CCSER1: variants seen among roughly 807,000 people sequenced by gnomAD.
The protein encoded by CCSER1 is serine-rich coiled-coil domain-containing protein 1.
Under a neutral mutation model 82.0 loss-of-function variants are expected in CCSER1, and 41 were observed. The ratio of observed to expected loss-of-function variants is 0.50; its 90% CI spans 0.39 to 0.65. The LOEUF is 0.65. Ranked by LOEUF, CCSER1 falls within the 30% of genes least tolerant of loss-of-function variation. The pLI is 0.00. For missense variants in CCSER1, 1,119 were observed against 1,064.2 expected (o/e 1.05, Z -0.72); for synonymous variants, 414 against 383.9 (o/e 1.08, Z -0.92).
intron 5 of CCSER1, among the ~76,000 whole-genome samples, chr4:90,493,310 G>A (rs1768385922): frequency 6.6e-6 from 1 of 152,120 alleles, no homozygotes; most frequent in Admixed American, 6.6e-5. Flanking sequence ...AAAGTGATGG[G>A]GAGAATGGAA....
intron 9 of CCSER1, among the ~76,000 whole-genome samples, chr4:91,028,363 T>G (rs1740677289): frequency 6.6e-6 from 1 of 151,990 alleles, no homozygotes; most frequent in Non-Finnish European, 1.5e-5. Flanking sequence ...TCAAATCATA[T>G]GTTCATGTGT....
At chr4:91,162,058 T>C (rs1036432981) in intron 10 of CCSER1, among the ~76,000 whole-genome samples, 1 of 152,198 alleles carries the variant, frequency 6.6e-6, no homozygotes, top group Admixed American at 6.5e-5. Context: ...CAGTATGTTA[T>C]TGGCTGTGGG....
intron 8 of CCSER1, among the ~76,000 whole-genome samples, chr4:90,851,560 G>T (rs57906524): frequency 0.28 from 41,139 of 149,134 alleles, 5,968 homozygotes; most frequent in Middle Eastern, 0.32. Context: ...CATTTTATTG[G>T]CTACTTATAG....
intron 10 of CCSER1, among the ~76,000 whole-genome samples, chr4:91,192,436 G>A (rs1211207243): frequency 1.3e-5 from 2 of 152,082 alleles, no homozygotes; most frequent in Non-Finnish European, 2.9e-5. Flanking sequence ...ATGTACCCTT[G>A]AGACTTAGTA....
chr4:91,404,464 T>C (rs756870757), intron 10 of CCSER1, among the ~76,000 whole-genome samples: 29 of 152,192 alleles, frequency 1.9e-4, no homozygotes, highest in Non-Finnish European at 3.1e-4. Flanking sequence ...CTCTTGCTTC[T>C]CTAGTTCTTT....
At chr4:91,505,505 T>C (rs1323321569) in intron 10 of CCSER1, among the ~76,000 whole-genome samples, 3 of 152,218 alleles carry the variant, frequency 2.0e-5, no homozygotes, top group African/African-American at 7.2e-5. Flanking sequence ...TTCTAGTTCT[T>C]TGAGGAATTA....
At chr4:91,224,919 G>C (rs913892793) in intron 10 of CCSER1, among the ~76,000 whole-genome samples, 4 of 151,274 alleles carry the variant, frequency 2.6e-5, no homozygotes, top group Admixed American at 6.6e-5. Flanking sequence ...TGTGTATTAG[G>C]TAAATGTTAG....
intron 6 of CCSER1, among the ~76,000 whole-genome samples, chr4:90,721,585 A>T (rs541753113): frequency 3.4e-4 from 52 of 151,964 alleles, no homozygotes; most frequent in Middle Eastern, 6.9e-3. Context: ...TTAGCTTTTA[A>T]AAACATCAAA....
intron 9 of CCSER1, among the ~76,000 whole-genome samples, chr4:91,067,569 T>C (rs1408560798): frequency 6.6e-6 from 1 of 152,042 alleles, no homozygotes; most frequent in East Asian, 1.9e-4. Context: ...GGTCTCAAAC[T>C]CCTGGGCTCA....
Position 90,312,924 on chromosome 4 carries a change from C to T in CCSER1, c.1386C>T (p.Ser462=), listed in dbSNP as rs1242242753. Residue 462 remains serine (S), a synonymous_variant, in exon 3 of 11, where the codon TCC becomes TCT. Coordinates refer to ENST00000509176, the MANE Select transcript of CCSER1 (RefSeq NM_001145065.2). ...GATTTATAGAGAGGAGACTGCGATC[C>T]TCGTCAGAAGGCACTGCAGGGAGTA... is the stretch of plus-strand genomic sequence containing the variant. ...EGRFIERRLR[S]SSEGTAGSSR... is the part of the protein sequence containing the mutation. The T allele has an allele frequency of 5.7e-6, 9 of 1,587,392 alleles. No individual in the cohort carries two copies. The highest frequency in any genetic ancestry group is 7.7e-6 in the Non-Finnish European group (9 of 1,165,604).
At position 91,593,641 on chromosome 4, in the gene CCSER1, A is replaced by C. The variant is rs144765003; in HGVS notation, c.2218-4931A>C. On this transcript the variant is annotated intron_variant, in intron 10 of 10. Transcript: ENST00000509176. ...TGCTTTTTTCTTAAGTAAAAACCCA[A>C]TGCTTTATAAAATCTAGAGAGGGAA... is the stretch of plus-strand genomic sequence containing the variant. 2.9e-4 allele frequency among the ~76,000 whole-genome samples: 44 copies of C among 151,996 alleles called. No homozygotes were observed. In the East Asian group the frequency reaches 8.2e-3, roughly 28 times the overall value.
intron 4 of CCSER1, among the ~76,000 whole-genome samples, chr4:90,438,607 G>A (rs550524611): frequency 6.6e-6 from 1 of 152,246 alleles, no homozygotes; most frequent in South Asian, 2.1e-4. Flanking sequence ...ACATACTTGT[G>A]AAACTGTTTT....
At chr4:90,965,797 G>C (rs1413693656) in intron 9 of CCSER1, among the ~76,000 whole-genome samples, 2 of 152,074 alleles carry the variant, frequency 1.3e-5, no homozygotes, top group Admixed American at 6.5e-5. Context: ...ACTCATAAGA[G>C]AGGGAAAAAA....
chr4:91,379,461 T>TCTTCCTG (rs2149334950), intron 10 of CCSER1, among the ~76,000 whole-genome samples: 1 of 152,334 alleles, frequency 6.6e-6, no homozygotes, highest in Admixed American at 6.5e-5. Context: ...GGATTCAACT[T>TCTTCCTG]CTTCCTGGTT....
At chr4:90,409,244 G>T (rs1012560411) in intron 4 of CCSER1, among the ~76,000 whole-genome samples, 1 of 152,176 alleles carries the variant, frequency 6.6e-6, no homozygotes, top group African/African-American at 2.4e-5. Context: ...AATCTAGCAA[G>T]GCAGGCCAAC....
chr4:91,125,330 T>A (rs980950144), intron 10 of CCSER1, among the ~76,000 whole-genome samples: 3 of 151,698 alleles, frequency 2.0e-5, no homozygotes, highest in Non-Finnish European at 4.4e-5. Context: ...CTAAAAACAT[T>A]GCATGGCAAT....
chr4:91,327,700 T>G (rs2149272746), intron 10 of CCSER1, among the ~76,000 whole-genome samples: 1 of 152,368 alleles, frequency 6.6e-6, no homozygotes, highest in South Asian at 2.1e-4. Flanking sequence ...TCCAAGCTTT[T>G]ATGCTCTACT....
intron 7 of CCSER1, among the ~76,000 whole-genome samples, chr4:90,744,760 A>G (rs1349759491): frequency 2.0e-5 from 3 of 152,132 alleles, no homozygotes; most frequent in East Asian, 3.9e-4. Flanking sequence ...CTGCACGTAC[A>G]AGGGATCTAG....
chr4:90,630,292 T>G (rs1310643998), intron 6 of CCSER1, among the ~76,000 whole-genome samples: 1 of 152,204 alleles, frequency 6.6e-6, no homozygotes, highest in Non-Finnish European at 1.5e-5. Context: ...ACTATTCAGC[T>G]TTTTACCTCT....
Sources: gnomAD v4.1 joint callset for allele counts (sites outside exome capture counted in the v4.1 genomes callset) on GRCh38, gnomAD v4.1.1 for gene constraint, MANE v1.5 for transcripts, NCBI Gene and HGNC (gene_info 2026-07-23, HGNC 2026-07-21) for gene names.